KMT2A: variants seen among roughly 807,000 people sequenced by gnomAD.
KMT2A encodes the protein lysine methyltransferase 2A.
A neutral mutation model predicts 345.3 loss-of-function variants in KMT2A; 16 were observed. The ratio of observed to expected loss-of-function variants is 0.05; its 90% confidence interval spans 0.03 to 0.07. The LOEUF (loss-of-function observed/expected upper bound fraction) is 0.07. Ranked by LOEUF, KMT2A falls within the 10% of genes least tolerant of loss-of-function variation. KMT2A has a pLI of 1.00. For missense variants in KMT2A, 3,272 were observed against 4,841.6 expected, an observed-to-expected ratio of 0.68 and a Z score of 9.62; for synonymous variants, 1,599 against 1,778.6, an observed-to-expected ratio of 0.90 and a Z score of 2.54.
At chr11:118,482,381 C>T (rs375529564) in intron 7 of KMT2A, 41 bp from the exon 8 acceptor site, 3 of 1,405,202 alleles carry the variant, frequency 2.1e-6, no homozygotes, top group Non-Finnish European at 2.0e-6. Flanking sequence ...CTAAAGTAGT[C>T]GTTGCCAGCA....
intron 27 of KMT2A, 22 bp downstream of exon 27, chr11:118,506,668 T>G: frequency 1.3e-6 from 2 of 1,560,322 alleles, no homozygotes; most frequent in South Asian, 2.4e-5. Context: ...AAATACTAGC[T>G]AGGCTGGGTC....
chr11:118,525,657 A>C lies in KMT2A; in HGVS notation c.*3485A>C, dbSNP rs1239461979. On this transcript the variant is annotated 3_prime_UTR_variant, in exon 36 of 36. Transcript: ENST00000534358. ...TACAACACACACACAAAAATAAAAA[A>C]AATATTCTAATGAATGTATCTTTCT... is the stretch of plus-strand genomic sequence containing the variant. The C allele has an allele frequency of 8.7e-6, 2 of 229,934 alleles. No homozygotes were observed. Among genetic ancestry groups the C allele is most frequent in the Non-Finnish European group, 1.7e-5 (2 of 116,174 alleles). 14.2% of individuals were successfully genotyped at this position (229,934 alleles called of 1,614,324 possible). A position where few individuals can be genotyped will look rare whatever the true frequency, so the allele number is the denominator to read the frequency against.
intron 1 of KMT2A, chr11:118,439,058 A>C (rs1193614022): frequency 9.7e-6 from 5 of 515,644 alleles, no homozygotes; most frequent in Non-Finnish European, 1.9e-5. Context: ...TGGAGAACCA[A>C]AGGCCACATA....
intron 27 of KMT2A, 93 bp downstream of exon 27, chr11:118,506,739 T>C (rs1310087956): frequency 7.6e-7 from 1 of 1,317,810 alleles, no homozygotes; most frequent in Non-Finnish European, 1.0e-6. Flanking sequence ...GAGACACTCT[T>C]CTGTTCAAGT....
chr11:118,496,131 TGAAAAGTGG>T lies in KMT2A; in HGVS notation c.5558-129_5558-121del. ...AGGTAGCGTAACTCTGAACACTTTT[TGAAAAGTGG>T]TTATTTTATAGGCTGTGGGCTATGT... On this transcript the variant is annotated intron_variant, in intron 19 of 35. Transcript: ENST00000534358. This position sits in a 1 kb window ranked among gnomAD's most constrained non-coding sequence, Gnocchi z 4.7. 2 of 754,316 alleles carry T rather than the reference TGAAAAGTGG, an allele frequency of 2.7e-6. No individual in the cohort carries two copies. The highest frequency in any genetic ancestry group is 1.7e-5 in the South Asian group (1 of 57,588). The allele number at this position is 754,316 out of a possible 1,614,324, so 46.7% of individuals were successfully genotyped here. A position where few individuals can be genotyped will look rare whatever the true frequency, so the allele number is the denominator to read the frequency against.
chr11:118,518,389 T>C (rs1304357047), intron 31 of KMT2A, among the ~76,000 whole-genome samples: 2 of 152,152 alleles, frequency 1.3e-5, no homozygotes, highest in Non-Finnish European at 2.9e-5. Context: ...CATGAGACGG[T>C]GAGTAGAACA....
chr11:118,487,989 G>A (rs1377992170), intron 10 of KMT2A, among the ~76,000 whole-genome samples: 2 of 152,148 alleles, frequency 1.3e-5, no homozygotes, highest in Non-Finnish European at 2.9e-5. Context: ...GACCATCCTC[G>A]CTAACACAGT....
rs1285967061 is a variant in KMT2A, at chr11:118,495,563, T to G, written c.5364-137T>G. ...TGAGTTCTGTGTACTTCAGCAATTT[T>G]CAAACGCTGTGACTTGTTCTTATAT... On this transcript the variant is annotated intron_variant, in intron 18 of 35. Transcript: ENST00000534358. The surrounding 1 kb of genome is among the most constrained non-coding windows in gnomAD (Gnocchi z 4.1). 1 of 560,234 alleles carries G rather than the reference T, an allele frequency of 1.8e-6. No homozygotes were observed. The highest frequency in any genetic ancestry group is 3.0e-6 in the Non-Finnish European group (1 of 336,198). The allele number at this position is 560,234 out of a possible 1,614,324, so 34.7% of individuals were successfully genotyped here.
chr11:118,473,163 T>C lies in KMT2A; in HGVS notation c.2004T>C (p.Ser668=). Residue 668 remains serine, a synonymous_variant, in exon 3 of 36, where the codon TCT becomes TCC. Coordinates refer to ENST00000534358, the MANE Select transcript of KMT2A (RefSeq NM_001197104.2). This position sits in a 1 kb window ranked among gnomAD's most constrained non-coding sequence, Gnocchi z 5.2. ...PEDVGFASGF[S]ASGTAASARL... ...ACGTTGGCTTTGCATCTGGTTTTTC[T>C]GCATCTGGTACCGCTGCTTCAGCCC... The C allele has an allele frequency of 6.2e-7, 1 of 1,614,176 alleles. No homozygotes were observed. Among genetic ancestry groups the C allele is most frequent in the Non-Finnish European group, 8.5e-7 (1 of 1,180,042 alleles).
At chr11:118,455,858 T>C (rs1367165416) in intron 1 of KMT2A, among the ~76,000 whole-genome samples, 1 of 151,964 alleles carries the variant, frequency 6.6e-6, no homozygotes, top group Non-Finnish European at 1.5e-5. Flanking sequence ...AGCTAATTTT[T>C]GTGTTTTTCT....
At position 118,490,255 on chromosome 11, in the gene KMT2A, C is replaced by A. The variant is rs534620846; in HGVS notation, c.4696+6C>A. ...CGCCAAGCTCTTTGCTAAAGGTACC[C>A]AAAAAAGCCAGTTTTGCCAGCTTTC... is the stretch of plus-strand genomic sequence containing the variant. On this transcript the variant is annotated splice_donor_region_variant and intron_variant, in intron 13 of 35. Coordinates refer to ENST00000534358, the MANE Select transcript of KMT2A (RefSeq NM_001197104.2). This position sits in a 1 kb window ranked among gnomAD's most constrained non-coding sequence, Gnocchi z 4.2. The A allele has an allele frequency of 1.6e-5, 24 of 1,542,342 alleles. No individual in the cohort carries two copies. Among genetic ancestry groups the A allele is most frequent in the Non-Finnish European group, 1.9e-5 (22 of 1,153,318 alleles).
At position 118,509,226 on chromosome 11, in the gene KMT2A, A is replaced by G. The variant is rs151318976; in HGVS notation, c.10900+26A>G. Reference sequence around the variant, plus strand: ...GTATGTGGGTGGGTAAAAGGTTAGAATCAGAGAATATCAATGCTAAAAGGA... The same window carrying G: ...GTATGTGGGTGGGTAAAAGGTTAGAGTCAGAGAATATCAATGCTAAAAGGA... On this transcript the variant is annotated intron_variant, in intron 29 of 35. Transcript: ENST00000534358. 5,339 of 1,542,724 alleles carry G rather than the reference A, an allele frequency of 3.5e-3. 34 individuals are homozygous for G. Among genetic ancestry groups the G allele is most frequent in the Middle Eastern group, 3.7e-3 (22 of 5,942 alleles).
intron 8 of KMT2A, among the ~76,000 whole-genome samples, chr11:118,482,806 C>T (rs1210717583): frequency 1.1e-4 from 16 of 150,472 alleles, no homozygotes; most frequent in Admixed American, 2.6e-4. Context: ...GTGGCAGTTG[C>T]GTGTAGTCCC....
At chr11:118,453,371 C>G (rs542602341) in intron 1 of KMT2A, among the ~76,000 whole-genome samples, 104 of 152,068 alleles carry the variant, frequency 6.8e-4, no homozygotes, top group African/African-American at 2.5e-3. Flanking sequence ...CTTTGGCAGC[C>G]TTTGAACCAG....
chr11:118,506,272 G>C lies in KMT2A; in HGVS notation c.10380G>C (p.Gln3460His), dbSNP rs200260418. The C allele has an allele frequency of 2.5e-6, 4 of 1,614,170 alleles. No individual in the cohort carries two copies. In the East Asian group the frequency reaches 8.9e-5, roughly 36 times the overall value. Residue 3460 changes from glutamine to histidine, a missense_variant, in exon 27 of 36, where the codon CAG becomes CAC. This residue lies in a region of KMT2A where 748 missense variants were observed against 922.2 expected (regional missense o/e 0.81). Coordinates refer to ENST00000534358, the MANE Select transcript of KMT2A (RefSeq NM_001197104.2). ...ACTATCAGCTTCAGCATGTGAACCA[G>C]CTCCTTGCCAGCAAAACTGGGATTC... ...DEHYQLQHVNQLLASKTGIHS... is the reference protein window; with the variant it reads ...DEHYQLQHVNHLLASKTGIHS...
In KMT2A at chr11:118,520,010, C is replaced by T; in HGVS notation, c.11375C>T (p.Pro3792Leu). ...CTGGCTTCTAAACATCGTCAGCCTC[C>T]TGAATACAACCCCAATGATGAAGAA... ...NFLASKHRQP[P>L]EYNPNDEEEE... is the part of the protein sequence containing the mutation. The change falls in exon 33 of 36, where the codon CCT (proline) becomes CTT (leucine). Residue 3792 changes from proline (P) to leucine (L), a missense_variant. Pro to Leu is a moderately conservative substitution (Grantham distance 98). This residue lies in a region of KMT2A where 78 missense variants were observed against 254.5 expected (regional missense o/e 0.31). Transcript: ENST00000534358. The surrounding 1 kb of genome is among the most constrained non-coding windows in gnomAD (Gnocchi z 4.3). 6.2e-7 allele frequency: 1 copy of T among 1,614,158 alleles called. No individual in the cohort carries two copies. Among genetic ancestry groups the T allele is most frequent in the Non-Finnish European group, 8.5e-7 (1 of 1,180,016 alleles).
chr11:118,504,685 A>G lies in KMT2A; in HGVS notation c.8793A>G (p.Pro2931=). 1 of 1,614,202 alleles carries G rather than the reference A, an allele frequency of 6.2e-7. No individual in the cohort carries two copies. Among genetic ancestry groups the G allele is most frequent in the Non-Finnish European group, 8.5e-7 (1 of 1,180,034 alleles). The change falls in exon 27 of 36, where the codon CCA becomes CCG. Residue 2931 remains proline, a synonymous_variant. Transcript: ENST00000534358. The surrounding 1 kb of genome is among the most constrained non-coding windows in gnomAD (Gnocchi z 6.4). The part of the protein sequence containing the change: ...EEQFELPLEL[P]SDLSVLTTRS... Reference sequence around the variant, plus strand: ...AGTTTGAGTTGCCTCTAGAGCTACCATCTGATCTGTCTGTCTTGACCACCC... The same window carrying G: ...AGTTTGAGTTGCCTCTAGAGCTACCGTCTGATCTGTCTGTCTTGACCACCC...
At position 118,521,256 on chromosome 11, in the gene KMT2A, T is replaced by C. The variant is rs1291149976; in HGVS notation, c.11514-32T>C. 8.7e-6 allele frequency: 14 copies of C among 1,609,676 alleles called. No individual in the cohort carries two copies. The highest frequency in any genetic ancestry group is 1.1e-5 in the Non-Finnish European group (13 of 1,176,742). On this transcript the variant is annotated intron_variant, in intron 34 of 35. Coordinates refer to ENST00000534358, the MANE Select transcript of KMT2A (RefSeq NM_001197104.2). This position sits in a 1 kb window ranked among gnomAD's most constrained non-coding sequence, Gnocchi z 5.3. ...CGCACTTAACCTTACTTGCAAAATTTGTGTCTGACCTCTTTTCCATCTTTG... is the reference window on the plus strand; with the variant it reads ...CGCACTTAACCTTACTTGCAAAATTCGTGTCTGACCTCTTTTCCATCTTTG...
intron 1 of KMT2A, among the ~76,000 whole-genome samples, chr11:118,463,269 A>G (rs1382927592): frequency 2.0e-5 from 3 of 152,130 alleles, no homozygotes; most frequent in African/African-American, 7.2e-5. Flanking sequence ...ATTTCTTTTA[A>G]AGATTAATAA....
Sources: allele counts gnomAD v4.1 joint callset (sites outside exome capture counted in the v4.1 genomes callset), GRCh38; gene constraint gnomAD v4.1.1; regional missense constraint gnomAD v4.1.1; non-coding constraint Gnocchi (gnomAD v3.1); transcripts MANE v1.5; gene names NCBI Gene and HGNC (gene_info 2026-07-23, HGNC 2026-07-21).